The following CDK14 variants were observed in gnomAD, a reference collection of about 807,000 sequenced individuals.
CDK14 encodes cyclin-dependent kinase 14.
Under a neutral mutation model 60.7 loss-of-function variants are expected in CDK14, and 34 were observed. The ratio of observed to expected loss-of-function variants is 0.56; its 90% CI spans 0.43 to 0.75. CDK14 has a LOEUF of 0.75. Ranked by LOEUF, CDK14 falls within the 30% of genes least tolerant of loss-of-function variation. CDK14 has a pLI of 0.00. For missense variants in CDK14, 482 were observed against 564.1 expected (o/e 0.85, Z 1.47); for synonymous variants, 197 against 203.7 (o/e 0.97, Z 0.28).
intron 10 of CDK14, among the ~76,000 whole-genome samples, chr7:91,036,439 T>A (rs1218913515): frequency 6.6e-6 from 1 of 152,146 alleles, no homozygotes; most frequent in African/African-American, 2.4e-5. Flanking sequence ...AACTTTGGAA[T>A]TCACAAGTCC....
At chr7:91,076,242 CAAAAAAAAAAAAAAAAA>C (rs564729987) in intron 11 of CDK14, among the ~76,000 whole-genome samples, 1,918 of 29,046 alleles carry the variant, frequency 0.066, 65 homozygotes, top group African/African-American at 0.14. Context: ...CTACAGTAAC[CAAAAAAAAAAAAAAAAA>C]AAAAAAAAAA....
intron 7 of CDK14, among the ~76,000 whole-genome samples, chr7:90,900,198 A>G (rs918836721): frequency 1.4e-5 from 2 of 143,326 alleles, no homozygotes; most frequent in African/African-American, 5.1e-5. Flanking sequence ...AGGCTTTTGT[A>G]GTGGTCAGTT....
intron 5 of CDK14, among the ~76,000 whole-genome samples, chr7:90,836,201 AT>A (rs1165178598): frequency 6.6e-6 from 1 of 152,122 alleles, no homozygotes; most frequent in African/African-American, 2.4e-5. Flanking sequence ...CTTACCATTA[AT>A]TTTTTTACTT....
At chr7:91,041,519 G>C (rs977044804) in intron 10 of CDK14, among the ~76,000 whole-genome samples, 1 of 152,120 alleles carries the variant, frequency 6.6e-6, no homozygotes, top group Non-Finnish European at 1.5e-5. Flanking sequence ...TATATAAGTG[G>C]ATTTTAAACA....
chr7:90,895,303 A>G (rs374269349), intron 6 of CDK14, among the ~76,000 whole-genome samples: 1 of 78,596 alleles, frequency 1.3e-5, no homozygotes, highest in Non-Finnish European at 2.8e-5. Context: ...CACTTTTCCC[A>G]TTCTTTCCTC....
At chr7:90,676,761 C>G (rs1236981622) in intron 2 of CDK14, among the ~76,000 whole-genome samples, 1 of 151,948 alleles carries the variant, frequency 6.6e-6, no homozygotes, top group African/African-American at 2.4e-5. Context: ...ATCTCAGACT[C>G]CTGGGCTCAA....
rs59773768 is a variant in CDK14, at chr7:90,668,699, C to CTTTTTTTTTTTTTTTTTT, written c.124-57858_124-57841dup. Among the ~76,000 whole-genome samples, 4 of 87,532 alleles carry CTTTTTTTTTTTTTTTTTT rather than the reference C, an allele frequency of 4.6e-5. 2 individuals are homozygous for CTTTTTTTTTTTTTTTTTT. The highest frequency in any genetic ancestry group is 1.7e-4 in the African/African-American group (4 of 23,124). 57.4% of individuals were successfully genotyped at this position (87,532 alleles called of 152,430 possible). On this transcript the variant is annotated intron_variant, in intron 2 of 14. Coordinates refer to ENST00000380050, the MANE Select transcript of CDK14 (RefSeq NM_001287135.2). ...TATGGTGTAAGGAAGGACTCGCATT[C>CTTTTTTTTTTTTTTTTTT]TTTTTTTTTTTTTTTTTTTTTTTTT...
chr7:91,124,986 A>C (rs1228287133), intron 14 of CDK14, among the ~76,000 whole-genome samples: 1 of 152,188 alleles, frequency 6.6e-6, no homozygotes, highest in African/African-American at 2.4e-5. Flanking sequence ...GCTGAGTCCC[A>C]CTAGACAGTC....
chr7:91,095,643 A>C (rs764258082), intron 12 of CDK14, among the ~76,000 whole-genome samples: 1 of 152,190 alleles, frequency 6.6e-6, no homozygotes, highest in Non-Finnish European at 1.5e-5. Context: ...ACTCAGTGGA[A>C]TATTACACAA....
intron 7 of CDK14, among the ~76,000 whole-genome samples, chr7:90,907,793 G>C (rs3757814): frequency 0.63 from 95,778 of 151,810 alleles, 30,532 homozygotes; most frequent in East Asian, 0.7. Flanking sequence ...TTCTTTAATA[G>C]ACCAGAGAAC....
chr7:91,121,129 A>G (rs1799771371), intron 14 of CDK14, among the ~76,000 whole-genome samples: 1 of 152,216 alleles, frequency 6.6e-6, no homozygotes, highest in East Asian at 1.9e-4. Flanking sequence ...TCATATAGAC[A>G]TTATAGAGCA....
At chr7:91,063,471 A>G (rs1797871096) in intron 11 of CDK14, among the ~76,000 whole-genome samples, 1 of 152,232 alleles carries the variant, frequency 6.6e-6, no homozygotes, top group African/African-American at 2.4e-5. Context: ...GCACCTTTGT[A>G]GCTAACAAAC....
At chr7:90,768,959 C>T (rs1804677005) in intron 4 of CDK14, among the ~76,000 whole-genome samples, 1 of 152,028 alleles carries the variant, frequency 6.6e-6, no homozygotes, top group Non-Finnish European at 1.5e-5. Context: ...TAGCTACATT[C>T]CAGGCTTTTT....
At chr7:90,826,628 A>C (rs1470356462) in intron 5 of CDK14, among the ~76,000 whole-genome samples, 1 of 152,184 alleles carries the variant, frequency 6.6e-6, no homozygotes, top group Non-Finnish European at 1.5e-5. Flanking sequence ...TTTTTTAAAA[A>C]GGCTTAATTT....
intron 6 of CDK14, among the ~76,000 whole-genome samples, chr7:90,864,890 T>G (rs1791124810): frequency 6.6e-6 from 1 of 152,168 alleles, no homozygotes; most frequent in Admixed American, 6.6e-5. Context: ...AACCACTTAA[T>G]AATATGGGCA....
chr7:90,608,656 G>C (rs918063180), intron 2 of CDK14: 6 of 443,538 alleles, frequency 1.4e-5, no homozygotes, highest in African/African-American at 1.1e-4. Context: ...ATATAATCCA[G>C]ATAATTAAGC....
intron 3 of CDK14, among the ~76,000 whole-genome samples, chr7:90,732,205 G>C (rs566159591): frequency 2.0e-5 from 3 of 152,270 alleles, no homozygotes; most frequent in African/African-American, 7.2e-5. Context: ...TGATCATGGT[G>C]GATAAGCTTT....
In CDK14 at chr7:90,606,336, T is replaced by C. The variant is rs576533605; in HGVS notation, c.123+2087T>C. Among the ~76,000 whole-genome samples, 120 of 152,308 alleles carry C rather than the reference T, an allele frequency of 7.9e-4. No individual in the cohort carries two copies. The Middle Eastern group carries it at 0.017, about 22-fold the overall frequency. ...TATTAATTTCATATCCTTTGTAAAA[T>C]AGAGATAATAATAGTATCTTTCCTT... On this transcript the variant is annotated intron_variant, in intron 2 of 14. Coordinates refer to ENST00000380050, the MANE Select transcript of CDK14 (RefSeq NM_001287135.2).
chr7:90,807,622 CTT>C (rs900613889), intron 5 of CDK14, among the ~76,000 whole-genome samples: 3 of 152,194 alleles, frequency 2.0e-5, no homozygotes, highest in African/African-American at 4.8e-5. Flanking sequence ...CAGAGAATGA[CTT>C]TGACAAGTTG....
Sources: gnomAD v4.1 joint callset for allele counts (sites outside exome capture counted in the v4.1 genomes callset) on GRCh38, gnomAD v4.1.1 for gene constraint, MANE v1.5 for transcripts, NCBI Gene and HGNC (gene_info 2026-07-23, HGNC 2026-07-21) for gene names.